KLHL20: variants seen among roughly 807,000 people sequenced by gnomAD.
The protein encoded by KLHL20 is kelch like family member 20.
Under a neutral mutation model 69.5 loss-of-function variants are expected in KLHL20, and 29 were observed. The observed-to-expected ratio is 0.42, with a 90% CI of 0.31 to 0.57. The LOEUF is 0.57. Ranked by LOEUF, KLHL20 falls within the 20% of genes least tolerant of loss-of-function variation. The probability of loss-of-function intolerance (pLI) is 0.18; values close to 1 mark genes in which losing one functional copy is unlikely to be tolerated. For missense variants in KLHL20, 419 were observed against 776.0 expected (o/e 0.54, Z 5.47); for synonymous variants, 253 against 265.2 (o/e 0.95, Z 0.45).
At chr1:173,753,136 G>A in intron 4 of KLHL20, 77 bp from the exon 5 acceptor site, 2 of 1,173,104 alleles carry the variant, frequency 1.7e-6, no homozygotes, top group Non-Finnish European at 2.5e-6. Context: ...TCATGCCACT[G>A]TACTCCAGCC....
intron 10 of KLHL20, among the ~76,000 whole-genome samples, chr1:173,778,826 C>A (rs138202469): frequency 7.2e-4 from 110 of 152,080 alleles, no homozygotes; most frequent in Non-Finnish European, 2.1e-4. Context: ...CCTTTTTCAT[C>A]TCTGATTTTA....
At chr1:173,749,852 A>G (rs183215962) in intron 3 of KLHL20, among the ~76,000 whole-genome samples, 20 of 152,324 alleles carry the variant, frequency 1.3e-4, no homozygotes, top group African/African-American at 4.6e-4. Flanking sequence ...GAGGAAAGCA[A>G]GATGCAGTCA....
Position 173,782,162 on chromosome 1 carries a change from AG to A in KLHL20, c.1679del (p.Gly560GlufsTer9). Reference protein sequence around the residue: ...AVVNGQLMAVGGFDGTTYLKT... With the variant: ...AVVNGQLMAVXGFDGTTYLKT... ...TGGTCAATGGACAGCTCATGGCAGT[AG>A]GAGGTTTTGATGGCACAACATACTT... On this transcript the variant is annotated frameshift_variant, in exon 11 of 12. Coordinates refer to ENST00000209884, the MANE Select transcript of KLHL20 (RefSeq NM_014458.4). LOFTEE classifies it high-confidence loss of function. 6.2e-7 allele frequency: 1 copy of A among 1,614,136 alleles called. No individual in the cohort carries two copies.
At chr1:173,785,022 C>T in intron 11 of KLHL20, 141 bp from the exon 12 acceptor site, 1 of 607,938 alleles carries the variant, frequency 1.6e-6, no homozygotes, top group Non-Finnish European at 2.8e-6. Context: ...AGAATGAAGA[C>T]AATATTAGTG....
At chr1:173,767,547 T>G (rs1188231905) in intron 8 of KLHL20, among the ~76,000 whole-genome samples, 1 of 152,156 alleles carries the variant, frequency 6.6e-6, no homozygotes. Flanking sequence ...CTTGCCAACA[T>G]TTGTTATCTA....
chr1:173,755,381 T>C (rs1438671105), intron 5 of KLHL20, among the ~76,000 whole-genome samples: 1 of 152,070 alleles, frequency 6.6e-6, no homozygotes, highest in East Asian at 1.9e-4. Context: ...ACTAGACTCT[T>C]CTCTTAAAGT....
intron 3 of KLHL20, among the ~76,000 whole-genome samples, chr1:173,740,251 T>C (rs1672738629): frequency 6.7e-6 from 1 of 150,068 alleles, no homozygotes; most frequent in Admixed American, 6.6e-5. Context: ...CCTCTCCAAG[T>C]AGCTGGGACT....
chr1:173,765,421 T>C (rs957177401), intron 7 of KLHL20, among the ~76,000 whole-genome samples: 1 of 151,786 alleles, frequency 6.6e-6, no homozygotes. Flanking sequence ...GAGAATGGCG[T>C]GAACCCGGGA....
chr1:173,763,772 A>G (rs2102516534), intron 7 of KLHL20, among the ~76,000 whole-genome samples: 1 of 152,064 alleles, frequency 6.6e-6, no homozygotes, highest in South Asian at 2.1e-4. Context: ...AAGACCTGAA[A>G]CTGTAAAAAT....
chr1:173,753,909 T>C (rs1399812840), intron 5 of KLHL20, among the ~76,000 whole-genome samples: 2 of 152,214 alleles, frequency 1.3e-5, no homozygotes, highest in African/African-American at 2.4e-5. Context: ...ATGTAATAAA[T>C]TACATTCCCA....
intron 2 of KLHL20, among the ~76,000 whole-genome samples, chr1:173,719,316 T>A (rs1343473535): frequency 6.6e-6 from 1 of 151,352 alleles, no homozygotes; most frequent in Admixed American, 6.6e-5. Flanking sequence ...GATGTGTAAG[T>A]ATAGAATAAG....
intron 2 of KLHL20, among the ~76,000 whole-genome samples, chr1:173,731,038 C>T (rs1439064418): frequency 6.6e-6 from 1 of 152,052 alleles, no homozygotes; most frequent in Non-Finnish European, 1.5e-5. Context: ...AAAACAACCC[C>T]ATCAAAAAGT....
At position 173,733,848 on chromosome 1, in the gene KLHL20, A is replaced by G. The variant is rs772718490; in HGVS notation, c.159A>G (p.Gln53=). The change falls in exon 3 of 12, where the codon CAA becomes CAG. Residue 53 remains glutamine, a synonymous_variant. Transcript: ENST00000209884. ...ATATCTCAGACAAGCACCCTCGACAAACCTTGGAAGTGATTAACCTTCTGA... is the reference window on the plus strand; with the variant it reads ...ATATCTCAGACAAGCACCCTCGACAGACCTTGGAAGTGATTAACCTTCTGA... The part of the protein sequence containing the change: ...MPYISDKHPR[Q]TLEVINLLRK... 17 of 1,614,132 alleles carry G rather than the reference A, an allele frequency of 1.1e-5. No homozygotes were observed. In the East Asian group the frequency reaches 3.8e-4, roughly 36 times the overall value.
intron 2 of KLHL20, among the ~76,000 whole-genome samples, chr1:173,719,884 A>G (rs1431076562): frequency 6.6e-6 from 1 of 152,240 alleles, no homozygotes; most frequent in East Asian, 1.9e-4. Context: ...GTTTATTCAT[A>G]TATCAAACCT....
At chr1:173,753,433 A>C in intron 5 of KLHL20, 126 bp downstream of exon 5, 1 of 692,052 alleles carries the variant, frequency 1.4e-6, no homozygotes, top group Admixed American at 2.6e-5. Context: ...TAATTTAACA[A>C]GGTTTTCTTC....
At chr1:173,717,638 A>G (rs2102447610) in intron 2 of KLHL20, among the ~76,000 whole-genome samples, 1 of 152,310 alleles carries the variant, frequency 6.6e-6, no homozygotes, top group South Asian at 2.1e-4. Context: ...TATTGAGACT[A>G]TTTGAATACA....
intron 8 of KLHL20, 27 bp from the exon 9 acceptor site, chr1:173,774,278 C>A: frequency 6.2e-7 from 1 of 1,613,892 alleles, no homozygotes; most frequent in Non-Finnish European, 8.5e-7. Flanking sequence ...TAAGAACAAG[C>A]ATACAGTCTG....
intron 3 of KLHL20, among the ~76,000 whole-genome samples, chr1:173,740,693 C>T (rs1050522729): frequency 6.6e-6 from 1 of 151,904 alleles, no homozygotes; most frequent in Admixed American, 6.6e-5. Flanking sequence ...CATGTATTTG[C>T]GTGGTTTTGA....
chr1:173,722,215 T>C (rs958609936), intron 2 of KLHL20, among the ~76,000 whole-genome samples: 3 of 152,134 alleles, frequency 2.0e-5, no homozygotes, highest in Non-Finnish European at 2.9e-5. Flanking sequence ...CCTGCCAAAG[T>C]GCTGGGATTA....
Sources: allele counts gnomAD v4.1 joint callset (sites outside exome capture counted in the v4.1 genomes callset), GRCh38; gene constraint gnomAD v4.1.1; transcripts MANE v1.5; gene names NCBI Gene and HGNC (gene_info 2026-07-23, HGNC 2026-07-21).